The following SND1 variants were observed in gnomAD, a reference collection of about 807,000 sequenced individuals.
The protein encoded by SND1 is staphylococcal nuclease domain-containing protein 1.
A neutral mutation model predicts 121.7 loss-of-function variants in SND1; 38 were observed. The ratio of observed to expected loss-of-function variants is 0.31; its 90% CI spans 0.24 to 0.41. The LOEUF is 0.41. Ranked by LOEUF, SND1 falls within the 10% of genes least tolerant of loss-of-function variation. The pLI is 1.00. For synonymous variants in SND1, 401 were observed against 447.4 expected (o/e 0.90, Z 1.31); for missense variants, 868 against 1,184.6 (o/e 0.73, Z 3.92).
intron 10 of SND1, among the ~76,000 whole-genome samples, chr7:127,728,819 C>G (rs939232320): frequency 1.3e-5 from 2 of 152,216 alleles, no homozygotes; most frequent in African/African-American, 4.8e-5. Context: ...ACCTCCCAAT[C>G]CATGGCTAAC....
rs777295929 is a variant in SND1 at position 127,701,211 on chromosome 7, C to T, written c.477C>T (p.Ala159=). The change falls in exon 5 of 24, where the codon GCC becomes GCT. Residue 159 remains alanine (A), a synonymous_variant. Transcript: ENST00000354725. ...AATGTGAAGAACAAGCAAAGGCAGC[C>T]AAGAAAGGGATGTGGAGTGAGGGGA... ...LSECEEQAKA[A]KKGMWSEGNG... The T allele has an allele frequency of 1.5e-5, 25 of 1,613,990 alleles. No homozygotes were observed. The highest frequency in any genetic ancestry group is 2.1e-5 in the Non-Finnish European group (25 of 1,179,948).
intron 15 of SND1, among the ~76,000 whole-genome samples, chr7:127,989,440 T>C (rs1584719547): frequency 6.6e-6 from 1 of 152,194 alleles, no homozygotes; most frequent in Non-Finnish European, 1.5e-5. Context: ...CTTTGTCACC[T>C]TGAATCAATG....
chr7:127,728,893 G>A (rs1218228964), intron 10 of SND1, among the ~76,000 whole-genome samples: 1 of 152,056 alleles, frequency 6.6e-6, no homozygotes. Context: ...ACTATCTCCG[G>A]AGGGAGGTTT....
chr7:127,782,750 G>A (rs1797745276), intron 10 of SND1, among the ~76,000 whole-genome samples: 1 of 152,160 alleles, frequency 6.6e-6, no homozygotes, highest in African/African-American at 2.4e-5. Flanking sequence ...GCACACTGGA[G>A]CTTCTGGCCA....
intron 16 of SND1, among the ~76,000 whole-genome samples, chr7:128,057,593 A>G (rs1227644923): frequency 6.6e-6 from 1 of 152,150 alleles, no homozygotes; most frequent in East Asian, 1.9e-4. Flanking sequence ...TCATCCTTCC[A>G]GTCAGGAAGC....
At chr7:127,691,505 C>A (rs1306840467) in intron 2 of SND1, among the ~76,000 whole-genome samples, 1 of 151,882 alleles carries the variant, frequency 6.6e-6, no homozygotes, top group Non-Finnish European at 1.5e-5. Flanking sequence ...GATTATGCCA[C>A]TGCATTCCAG....
At chr7:128,044,259 C>T (rs1045257651) in intron 16 of SND1, among the ~76,000 whole-genome samples, 3 of 152,206 alleles carry the variant, frequency 2.0e-5, no homozygotes, top group African/African-American at 4.8e-5. Context: ...CTTCTCCACT[C>T]GGTGTGGTCA....
At chr7:128,043,710 A>G (rs1434154628) in intron 16 of SND1, among the ~76,000 whole-genome samples, 2 of 151,652 alleles carry the variant, frequency 1.3e-5, no homozygotes, top group Admixed American at 6.6e-5. Context: ...TGCAGCTACC[A>G]GATGTTCAGG....
At chr7:128,038,126 C>T (rs1296778200) in intron 16 of SND1, among the ~76,000 whole-genome samples, 1 of 152,218 alleles carries the variant, frequency 6.6e-6, no homozygotes, top group African/African-American at 2.4e-5. Flanking sequence ...TAATCCATGC[C>T]TATGCTTACA....
intron 2 of SND1, chr7:127,687,190 A>G (rs546427562): frequency 6.5e-6 from 1 of 153,258 alleles, no homozygotes; most frequent in South Asian, 2.1e-4. Context: ...CCCCTGAGAC[A>G]CCTGAGGTTA....
intron 10 of SND1, among the ~76,000 whole-genome samples, chr7:127,796,138 C>T (rs1416130666): frequency 1.3e-5 from 2 of 151,612 alleles, no homozygotes; most frequent in African/African-American, 4.9e-5. Flanking sequence ...GTTTTCTAAT[C>T]TTTATTGATT....
intron 15 of SND1, among the ~76,000 whole-genome samples, chr7:127,957,903 T>C (rs1388158089): frequency 1.3e-5 from 2 of 152,172 alleles, no homozygotes; most frequent in African/African-American, 2.4e-5. Flanking sequence ...GGTTTCACCA[T>C]GTTGGCCAGG....
chr7:127,975,504 A>G (rs1027350739), intron 15 of SND1, among the ~76,000 whole-genome samples: 2 of 151,826 alleles, frequency 1.3e-5, no homozygotes, highest in Non-Finnish European at 2.9e-5. Flanking sequence ...GCAGCCAGCA[A>G]TCAGAGTAAA....
chr7:127,710,140 T>C (rs1036162002), intron 9 of SND1, among the ~76,000 whole-genome samples: 6 of 152,110 alleles, frequency 3.9e-5, no homozygotes, highest in African/African-American at 1.4e-4. Flanking sequence ...AAAAAATATA[T>C]CGTGGCATGT....
intron 16 of SND1, among the ~76,000 whole-genome samples, chr7:128,053,016 A>G (rs2117023134): frequency 6.6e-6 from 1 of 152,340 alleles, no homozygotes; most frequent in Middle Eastern, 3.4e-3. Flanking sequence ...TTGAATAAAA[A>G]AATTTGCTTA....
chr7:128,077,154 C>T (rs974556678), intron 17 of SND1, among the ~76,000 whole-genome samples: 1 of 152,224 alleles, frequency 6.6e-6, no homozygotes, highest in Non-Finnish European at 1.5e-5. Context: ...GGCCTAAAGG[C>T]CTCCGCCACC....
At chr7:127,779,190 T>C (rs1272987194) in intron 10 of SND1, among the ~76,000 whole-genome samples, 2 of 152,160 alleles carry the variant, frequency 1.3e-5, no homozygotes, top group African/African-American at 4.8e-5. Flanking sequence ...TGAATGGTAG[T>C]GACATATTAC....
chr7:127,681,194 G>A (rs902866322), intron 1 of SND1, among the ~76,000 whole-genome samples: 2 of 152,170 alleles, frequency 1.3e-5, no homozygotes, highest in Admixed American at 6.5e-5. Context: ...AGCTATCCTA[G>A]TGGTGGTAAA....
chr7:128,032,790 C>T (rs1170732530), intron 16 of SND1, among the ~76,000 whole-genome samples: 1 of 152,184 alleles, frequency 6.6e-6, no homozygotes, highest in African/African-American at 2.4e-5. Context: ...CTGCCGCCAG[C>T]CCCTCCTTCG....
Sources: gnomAD v4.1 joint callset for allele counts (sites outside exome capture counted in the v4.1 genomes callset) on GRCh38, gnomAD v4.1.1 for gene constraint, MANE v1.5 for transcripts, NCBI Gene and HGNC (gene_info 2026-07-23, HGNC 2026-07-21) for gene names.